Variants in PIK3CB observed in about 807,000 individuals in gnomAD.
PIK3CB encodes the protein phosphatidylinositol 4,5-bisphosphate 3-kinase catalytic subunit beta isoform.
Under a neutral mutation model 136.8 loss-of-function variants are expected in PIK3CB, and 39 were observed. The ratio of observed to expected loss-of-function variants is 0.29; its 90% CI spans 0.22 to 0.37. The LOEUF is 0.37. Ranked by LOEUF, PIK3CB falls within the 10% of genes least tolerant of loss-of-function variation. The pLI, the probability that PIK3CB is intolerant of heterozygous loss-of-function variation, is 1.00. For missense variants in PIK3CB, 868 were observed against 1,275.4 expected, an observed-to-expected ratio of 0.68 and a Z score of 4.87; for synonymous variants, 428 against 436.6, an observed-to-expected ratio of 0.98 and a Z score of 0.25.
intron 1 of PIK3CB, among the ~76,000 whole-genome samples, chr3:138,827,563 T>A (rs941610524): frequency 9.9e-5 from 15 of 151,928 alleles, no homozygotes; most frequent in Middle Eastern, 3.4e-3. Context: ...GTACTATTAA[T>A]AACCACTTAG....
intron 4 of PIK3CB, among the ~76,000 whole-genome samples, chr3:138,753,873 A>C (rs2045518004): frequency 6.6e-6 from 1 of 152,204 alleles, no homozygotes; most frequent in Non-Finnish European, 1.5e-5. Context: ...CAAATATTTT[A>C]GCTTCCCTAA....
At chr3:138,758,814 T>C (rs1034793630) in intron 3 of PIK3CB, among the ~76,000 whole-genome samples, 1 of 152,126 alleles carries the variant, frequency 6.6e-6, no homozygotes, top group Non-Finnish European at 1.5e-5. Context: ...GCAAGCCTGC[T>C]GAGGGAAAAA....
At position 138,804,033 on chromosome 3, in the gene PIK3CB, T is replaced by C. The variant is rs1034532782; in HGVS notation, c.-121-7466A>G. ...TAAGAAAATAGGTATAGAAGCAACC[T>C]GACTGACAGGCCAGGTGCAGTGGCT... On this transcript the variant is annotated intron_variant, in intron 1 of 23. Coordinates refer to ENST00000674063, the MANE Select transcript of PIK3CB (RefSeq NM_006219.3). 7.9e-5 allele frequency among the ~76,000 whole-genome samples: 12 copies of C among 152,142 alleles called. No homozygotes were observed. The South Asian group carries it at 2.3e-3, about 29-fold the overall frequency.
intron 1 of PIK3CB, among the ~76,000 whole-genome samples, chr3:138,833,027 T>G (rs757615313): frequency 7.2e-4 from 108 of 149,966 alleles, no homozygotes; most frequent in Non-Finnish European, 1.2e-3. Flanking sequence ...ACAACAATAA[T>G]TTTTTTTTAA....
chr3:138,661,259 G>A (rs2043290605), intron 21 of PIK3CB, among the ~76,000 whole-genome samples: 1 of 152,198 alleles, frequency 6.6e-6, no homozygotes, highest in African/African-American at 2.4e-5. Flanking sequence ...GGGGACTTGA[G>A]TGCCTAACTG....
At chr3:138,737,319 G>A (rs561404948) in intron 6 of PIK3CB, among the ~76,000 whole-genome samples, 10 of 149,556 alleles carry the variant, frequency 6.7e-5, no homozygotes, top group Non-Finnish European at 1.3e-4. Context: ...CTTGAACCTG[G>A]GAGATGAAGG....
chr3:138,734,952 ATTTTT>A (rs1200519804), intron 6 of PIK3CB, 148 bp from the exon 7 acceptor site: 3 of 183,804 alleles, frequency 1.6e-5, no homozygotes, highest in Non-Finnish European at 3.1e-5. Flanking sequence ...AAAAAAAAAA[ATTTTT>A]TTTTTTTTTT....
rs756952051 is a variant in PIK3CB, at chr3:138,691,071, G to A, written c.1965C>T (p.Ala655=). 35 of 1,610,606 alleles carry A rather than the reference G, an allele frequency of 2.2e-5. No individual in the cohort carries two copies. The highest frequency in any genetic ancestry group is 2.7e-5 in the Non-Finnish European group (32 of 1,177,004). The change falls in exon 15 of 24, where the codon GCC becomes GCT. Residue 655 remains alanine (A), a synonymous_variant. Coordinates refer to ENST00000674063, the MANE Select transcript of PIK3CB (RefSeq NM_006219.3). ...VLKYEPFLDC[A]LSRFLLERAL... is the part of the protein sequence containing the mutation. ...CTCTTTCTAATAGGAATCTAGAGAG[G>A]GCACAATCAAGAAAAGGCTCATATT...
chr3:138,657,418 T>C (rs1577034780), intron 22 of PIK3CB: 6 of 326,074 alleles, frequency 1.8e-5, no homozygotes, highest in South Asian at 1.6e-4. Flanking sequence ...ACTGTCTTAA[T>C]AGTTTCAGAG....
chr3:138,715,772 A>C (rs1422190878), intron 8 of PIK3CB, among the ~76,000 whole-genome samples: 1 of 151,744 alleles, frequency 6.6e-6, no homozygotes, highest in African/African-American at 2.4e-5. Context: ...AAACCTACTA[A>C]AATAGTTAAA....
rs532070155 is a variant in PIK3CB, at chr3:138,759,566, A to C, written c.-16-207T>G. Among the ~76,000 whole-genome samples the C allele has an allele frequency of 2.6e-5, 4 of 152,324 alleles. No individual in the cohort carries two copies. The East Asian group carries it at 5.8e-4, about 22-fold the overall frequency. ...TTTAAATACACTTTTATCACTTCAC[A>C]AATTATATATATGTACATTATCCAA... is the stretch of plus-strand genomic sequence containing the variant. On this transcript the variant is annotated intron_variant, in intron 2 of 23. Coordinates refer to ENST00000674063, the MANE Select transcript of PIK3CB (RefSeq NM_006219.3).
At chr3:138,834,010 G>T (rs1029338881) in intron 1 of PIK3CB, among the ~76,000 whole-genome samples, 1 of 152,174 alleles carries the variant, frequency 6.6e-6, no homozygotes. Context: ...ATCGGTTACT[G>T]CAACACCAGA....
chr3:138,763,344 G>A (rs1176689993), intron 2 of PIK3CB, among the ~76,000 whole-genome samples: 1 of 152,004 alleles, frequency 6.6e-6, no homozygotes, highest in Non-Finnish European at 1.5e-5. Context: ...TCACCATGTT[G>A]GTCAGGCTAG....
chr3:138,781,223 T>C (rs548249607), intron 2 of PIK3CB, among the ~76,000 whole-genome samples: 4 of 151,870 alleles, frequency 2.6e-5, no homozygotes, highest in African/African-American at 9.7e-5. Flanking sequence ...GCCCAGTAGG[T>C]TGAGGCCATA....
At chr3:138,736,884 T>C (rs1486407740) in intron 6 of PIK3CB, among the ~76,000 whole-genome samples, 4 of 152,178 alleles carry the variant, frequency 2.6e-5, no homozygotes, top group African/African-American at 9.7e-5. Context: ...CAGACTGGAA[T>C]TGAAAAGTTT....
intron 2 of PIK3CB, 69 bp from the exon 3 acceptor site, chr3:138,759,428 A>C: frequency 2.0e-6 from 2 of 1,015,716 alleles, no homozygotes; most frequent in Non-Finnish European, 2.9e-6. Flanking sequence ...TATGATAAAG[A>C]CCACTAATCT....
chr3:138,739,036 G>A (rs1426091839), intron 5 of PIK3CB, among the ~76,000 whole-genome samples: 1 of 152,086 alleles, frequency 6.6e-6, no homozygotes, highest in Non-Finnish European at 1.5e-5. Context: ...CTCCCCTGGC[G>A]AATTCATATG....
chr3:138,821,282 C>CAA (rs140472633), intron 1 of PIK3CB, among the ~76,000 whole-genome samples: 93 of 130,058 alleles, frequency 7.2e-4, no homozygotes, highest in Non-Finnish European at 1.0e-3. Flanking sequence ...GACTCCGTCT[C>CAA]AAAAAAAAAA....
chr3:138,668,468 C>T (rs1316681128), intron 19 of PIK3CB, among the ~76,000 whole-genome samples: 1 of 152,124 alleles, frequency 6.6e-6, no homozygotes, highest in Non-Finnish European at 1.5e-5. Context: ...CACCTAGGTA[C>T]CCTCTGCACT....
Sources: allele counts gnomAD v4.1 joint callset (sites outside exome capture counted in the v4.1 genomes callset), GRCh38; gene constraint gnomAD v4.1.1; transcripts MANE v1.5; gene names NCBI Gene and HGNC (gene_info 2026-07-23, HGNC 2026-07-21).